Variants in EBF1 observed in about 807,000 individuals in gnomAD.
EBF1 encodes transcription factor COE1.
In EBF1, 10 loss-of-function variants were observed where a neutral mutation model predicts 68.4. The ratio of observed to expected loss-of-function variants is 0.15; its 90% CI spans 0.09 to 0.25. The LOEUF (loss-of-function observed/expected upper bound fraction) is 0.25, where lower values mean the gene tolerates loss of function less well. EBF1 is among the 10% of genes least tolerant of loss of function. The pLI is 1.00. For missense variants in EBF1, 509 were observed against 794.4 expected, an observed-to-expected ratio of 0.64 and a Z score of 4.32; for synonymous variants, 298 against 299.8, an observed-to-expected ratio of 0.99 and a Z score of 0.06.
chr5:158,955,115 G>A (rs773764011), intron 6 of EBF1, among the ~76,000 whole-genome samples: 3 of 152,106 alleles, frequency 2.0e-5, no homozygotes, highest in Non-Finnish European at 4.4e-5. Context: ...ACGAGGTCAG[G>A]AGTTCAAGAC....
intron 9 of EBF1, among the ~76,000 whole-genome samples, chr5:158,786,336 G>A (rs571479659): frequency 6.6e-6 from 1 of 152,166 alleles, no homozygotes; most frequent in East Asian, 1.9e-4. Context: ...TAACAGATTT[G>A]GGAGAAAAAA....
chr5:158,901,975 C>T (rs1458068979), intron 6 of EBF1, among the ~76,000 whole-genome samples: 3 of 152,164 alleles, frequency 2.0e-5, no homozygotes, highest in Non-Finnish European at 4.4e-5. Flanking sequence ...CCTGTAGTCT[C>T]AGCTACTCAG....
intron 6 of EBF1, among the ~76,000 whole-genome samples, chr5:158,895,896 T>C (rs1802086735): frequency 6.6e-6 from 1 of 152,188 alleles, no homozygotes; most frequent in Non-Finnish European, 1.5e-5. Context: ...TATTGACATA[T>C]ACAAACATTT....
At chr5:159,073,603 G>C in intron 5 of EBF1, 139 bp from the exon 6 acceptor site, 1 of 856,306 alleles carries the variant, frequency 1.2e-6, no homozygotes, top group Non-Finnish European at 1.9e-6. Context: ...CGGATCCCTG[G>C]GACAGATAAT....
chr5:158,892,400 A>T (rs1801353113), intron 6 of EBF1, among the ~76,000 whole-genome samples: 1 of 152,244 alleles, frequency 6.6e-6, no homozygotes, highest in African/African-American at 2.4e-5. Context: ...GAGGGAGGAG[A>T]ATTGCTTGAA....
chr5:158,803,950 C>G (rs970477537), intron 8 of EBF1, among the ~76,000 whole-genome samples: 16 of 131,398 alleles, frequency 1.2e-4, no homozygotes, highest in African/African-American at 5.8e-5. Context: ...GTGTGTGTGT[C>G]TGTGTGTGTG....
intron 15 of EBF1, among the ~76,000 whole-genome samples, chr5:158,703,991 C>T (rs1757310985): frequency 6.6e-6 from 1 of 152,208 alleles, no homozygotes; most frequent in South Asian, 2.1e-4. Context: ...CCTCTTGTGC[C>T]TAACCTAGTG....
rs1003372486 is a variant in EBF1 at position 158,696,970 on chromosome 5, G to C, written c.*2141C>G. 5.2e-6 allele frequency: 1 copy of C among 190,554 alleles called. No homozygotes were observed. The highest frequency in any genetic ancestry group is 1.1e-5 in the Non-Finnish European group (1 of 92,122). 11.8% of individuals were successfully genotyped at this position (190,554 alleles called of 1,614,324 possible). On this transcript the variant is annotated 3_prime_UTR_variant, in exon 16 of 16. Coordinates refer to ENST00000313708, the MANE Select transcript of EBF1 (RefSeq NM_024007.5). ...TGATGACTGACAGTTCTGGTGCACA[G>C]TTACAATGTACAAGTGAAATGAATA...
At chr5:159,089,406 A>G (rs977824600) in intron 4 of EBF1, among the ~76,000 whole-genome samples, 7 of 152,180 alleles carry the variant, frequency 4.6e-5, no homozygotes, top group African/African-American at 1.7e-4. Context: ...TTTGAAAGAC[A>G]TACTGTGAAG....
chr5:158,752,501 C>T (rs1769140665), intron 10 of EBF1, among the ~76,000 whole-genome samples: 1 of 151,970 alleles, frequency 6.6e-6, no homozygotes, highest in South Asian at 2.1e-4. Context: ...TTTTCTCCTA[C>T]CCAGTAGAGC....
At chr5:158,749,754 A>C (rs1768378178) in intron 10 of EBF1, among the ~76,000 whole-genome samples, 1 of 151,990 alleles carries the variant, frequency 6.6e-6, no homozygotes, top group Non-Finnish European at 1.5e-5. Flanking sequence ...CGGCAGGAAT[A>C]TTTTCTTGGC....
At chr5:158,871,758 C>T (rs748730663) in intron 6 of EBF1, among the ~76,000 whole-genome samples, 11 of 152,204 alleles carry the variant, frequency 7.2e-5, no homozygotes, top group African/African-American at 2.2e-4. Flanking sequence ...TGCTCAATGA[C>T]GCACAGTTCA....
intron 6 of EBF1, among the ~76,000 whole-genome samples, chr5:159,032,443 C>T (rs773303784): frequency 4.6e-5 from 7 of 152,166 alleles, no homozygotes; most frequent in South Asian, 2.1e-4. Context: ...AATCAAGACA[C>T]GCCACTGGCT....
chr5:159,075,579 T>C (rs949481515), intron 5 of EBF1, among the ~76,000 whole-genome samples: 4 of 152,034 alleles, frequency 2.6e-5, no homozygotes, highest in Non-Finnish European at 4.4e-5. Context: ...GATTTTCTCC[T>C]CCCCCACTAC....
intron 9 of EBF1, among the ~76,000 whole-genome samples, chr5:158,793,366 T>C (rs1039593287): frequency 4.6e-5 from 7 of 152,348 alleles, no homozygotes; most frequent in African/African-American, 1.7e-4. Context: ...AATATTTTTC[T>C]GCTTCTACAA....
At chr5:158,997,252 T>C (rs751909603) in intron 6 of EBF1, among the ~76,000 whole-genome samples, 16 of 151,876 alleles carry the variant, frequency 1.1e-4, no homozygotes, top group South Asian at 4.2e-4. Flanking sequence ...GCCCCAGGGG[T>C]CTCTCACTCC....
At chr5:159,052,522 C>T (rs949025576) in intron 6 of EBF1, among the ~76,000 whole-genome samples, 1 of 152,182 alleles carries the variant, frequency 6.6e-6, no homozygotes, top group Non-Finnish European at 1.5e-5. Context: ...TAAATCTGAG[C>T]CACAGCCTGT....
At chr5:159,098,863 AAAAAG>A (rs903967039) in intron 1 of EBF1, among the ~76,000 whole-genome samples, 11 of 151,694 alleles carry the variant, frequency 7.3e-5, no homozygotes, top group African/African-American at 2.7e-4. Flanking sequence ...AAGAAAAAGG[AAAAAG>A]AAAAGGAGGA....
intron 6 of EBF1, among the ~76,000 whole-genome samples, chr5:159,008,823 C>A (rs993505664): frequency 2.0e-5 from 3 of 152,148 alleles, no homozygotes; most frequent in African/African-American, 7.2e-5. Context: ...AGGTGTGAGC[C>A]ACCGCGCCCA....
Sources: gnomAD v4.1 joint callset for allele counts (sites outside exome capture counted in the v4.1 genomes callset) on GRCh38, gnomAD v4.1.1 for gene constraint, MANE v1.5 for transcripts, NCBI Gene and HGNC (gene_info 2026-07-23, HGNC 2026-07-21) for gene names.